The following SLX4IP variants were observed in gnomAD, a reference collection of about 807,000 sequenced individuals.
The protein encoded by SLX4IP is protein SLX4IP.
A neutral mutation model predicts 32.9 loss-of-function variants in SLX4IP; 34 were observed. That is an observed-to-expected ratio of 1.03 (90% CI 0.79 to 1.38). SLX4IP has a LOEUF of 1.38. SLX4IP is among the 40% of genes most tolerant of loss of function. SLX4IP has a pLI of 0.00. For synonymous variants in SLX4IP, 172 were observed against 171.7 expected, an observed-to-expected ratio of 1.00 and a Z score of -0.01; for missense variants, 444 against 479.0, an observed-to-expected ratio of 0.93 and a Z score of 0.68.
intron 2 of SLX4IP, among the ~76,000 whole-genome samples, chr20:10,514,699 A>G (rs919390529): frequency 4.6e-5 from 7 of 152,234 alleles, no homozygotes; most frequent in Non-Finnish European, 8.8e-5. Flanking sequence ...GCAGCTTTGA[A>G]AGGTTTGAGC....
At chr20:10,484,461 A>G (rs768980013) in intron 2 of SLX4IP, among the ~76,000 whole-genome samples, 7 of 152,156 alleles carry the variant, frequency 4.6e-5, no homozygotes, top group Admixed American at 1.3e-4. Context: ...TAGTATGCCA[A>G]AAAGAAATAT....
At position 10,560,780 on chromosome 20, in the gene SLX4IP, A is replaced by G; in HGVS notation, c.198A>G (p.Ser66=). The change falls in exon 4 of 8, where the codon TCA becomes TCG. Residue 66 remains serine (S), a synonymous_variant. Coordinates refer to ENST00000334534, the MANE Select transcript of SLX4IP (RefSeq NM_001009608.3). ...YLEVRKQHRP[S]NAEFTRSNPL... is the part of the protein sequence containing the mutation. ...AAGTTCGCAAACAGCACAGGCCATCAAATGCAGAATTCACAAGATCCAATC... is the reference window on the plus strand; with the variant it reads ...AAGTTCGCAAACAGCACAGGCCATCGAATGCAGAATTCACAAGATCCAATC... The G allele has an allele frequency of 1.2e-6, 2 of 1,608,234 alleles. No individual in the cohort carries two copies. The highest frequency in any genetic ancestry group is 1.7e-6 in the Non-Finnish European group (2 of 1,177,370).
At position 10,623,257 on chromosome 20, in the gene SLX4IP, CA is replaced by C. The variant is rs778316048; in HGVS notation, c.1106del (p.His369LeufsTer3). 2.6e-5 allele frequency: 42 copies of C among 1,614,108 alleles called. No homozygotes were observed. The African/African-American group carries it at 4.9e-4, about 19-fold the overall frequency. Reference sequence around the variant, plus strand: ...TGTTTTGGAAAGTCTCTCCTCCAGACATCTTATGAAAAATAACCCAGGGCAG... The same window carrying C: ...TGTTTTGGAAAGTCTCTCCTCCAGACTCTTATGAAAAATAACCCAGGGCAG... The part of the protein sequence containing the change: ...LHVLESLSSR[H>X]LMKNNPGQAQ... On this transcript the variant is annotated frameshift_variant, in exon 8 of 8. Transcript: ENST00000334534. LOFTEE classifies it high-confidence loss of function.
At chr20:10,438,472 GTTTTTTTTTTTTTT>G (rs35297842) in intron 1 of SLX4IP, among the ~76,000 whole-genome samples, 1 of 98,854 alleles carries the variant, frequency 1.0e-5, no homozygotes, top group South Asian at 3.6e-4. Context: ...AGGTGTGTGT[GTTTTTTTTTTTTTT>G]TTTTTTTTTG....
chr20:10,436,446 C>G (rs945852272), intron 1 of SLX4IP, among the ~76,000 whole-genome samples: 10 of 152,080 alleles, frequency 6.6e-5, no homozygotes, highest in African/African-American at 2.2e-4. Flanking sequence ...CATCTCCGCC[C>G]CCCGGGTTCA....
intron 1 of SLX4IP, among the ~76,000 whole-genome samples, chr20:10,448,169 T>G (rs1161742736): frequency 6.6e-6 from 1 of 152,192 alleles, no homozygotes; most frequent in Non-Finnish European, 1.5e-5. Flanking sequence ...ATTGACTGAT[T>G]TTTCATTCTT....
chr20:10,502,272 G>A (rs1057136111), intron 2 of SLX4IP, among the ~76,000 whole-genome samples: 3 of 152,166 alleles, frequency 2.0e-5, no homozygotes, highest in Non-Finnish European at 4.4e-5. Flanking sequence ...AGGCCCATGT[G>A]TTTCTGCACT....
At chr20:10,587,390 A>C (rs2122533007) in intron 4 of SLX4IP, among the ~76,000 whole-genome samples, 1 of 152,316 alleles carries the variant, frequency 6.6e-6, no homozygotes, top group East Asian at 1.9e-4. Context: ...AAACATTAAC[A>C]GTGTTAGCTT....
intron 1 of SLX4IP, among the ~76,000 whole-genome samples, chr20:10,445,807 G>A (rs1253055263): frequency 6.6e-6 from 1 of 151,516 alleles, no homozygotes; most frequent in Non-Finnish European, 1.5e-5. Flanking sequence ...TGTATTTTTA[G>A]TAGAAACAGG....
chr20:10,507,776 C>T (rs192450002), intron 2 of SLX4IP, among the ~76,000 whole-genome samples: 10 of 151,930 alleles, frequency 6.6e-5, no homozygotes, highest in Admixed American at 2.6e-4. Flanking sequence ...AATAATATAA[C>T]AGCACTTTAT....
At chr20:10,452,905 TG>T (rs2065255225) in intron 1 of SLX4IP, among the ~76,000 whole-genome samples, 1 of 151,820 alleles carries the variant, frequency 6.6e-6, no homozygotes, top group Non-Finnish European at 1.5e-5. Flanking sequence ...AAAAAAGAAT[TG>T]GATCCCGATC....
intron 4 of SLX4IP, among the ~76,000 whole-genome samples, chr20:10,562,156 TACTC>T (rs2066339592): frequency 1.3e-5 from 2 of 151,682 alleles, no homozygotes; most frequent in Non-Finnish European, 3.0e-5. Flanking sequence ...TGCGTTAATC[TACTC>T]GATTAGGCCC....
Position 10,511,980 on chromosome 20 carries a change from C to A in SLX4IP, c.28-44251C>A, listed in dbSNP as rs545653956. 2.0e-5 allele frequency among the ~76,000 whole-genome samples: 3 copies of A among 152,220 alleles called. No individual in the cohort carries two copies. In the South Asian group the frequency reaches 6.2e-4, roughly 32 times the overall value. ...TTTTTTCTTGTCAGATAATAGCATACAAATGTGAGATTATGGGATTGGAAA... is the reference window on the plus strand; with the variant it reads ...TTTTTTCTTGTCAGATAATAGCATAAAAATGTGAGATTATGGGATTGGAAA... On this transcript the variant is annotated intron_variant, in intron 2 of 7. Coordinates refer to ENST00000334534, the MANE Select transcript of SLX4IP (RefSeq NM_001009608.3).
intron 2 of SLX4IP, 141 bp downstream of exon 2, chr20:10,458,372 C>T: frequency 1.6e-6 from 1 of 627,672 alleles, no homozygotes; most frequent in Non-Finnish European, 2.6e-6. Flanking sequence ...TTTCCTTCAA[C>T]TTTTAAGTTC....
At chr20:10,580,199 T>C (rs2066568151) in intron 4 of SLX4IP, among the ~76,000 whole-genome samples, 1 of 152,208 alleles carries the variant, frequency 6.6e-6, no homozygotes, top group African/African-American at 2.4e-5. Context: ...CCTCAGGTTC[T>C]AAAGTTGAGG....
chr20:10,455,507 T>C (rs2065277355), intron 1 of SLX4IP, among the ~76,000 whole-genome samples: 1 of 152,130 alleles, frequency 6.6e-6, no homozygotes, highest in African/African-American at 2.4e-5. Context: ...CTTAGTACCC[T>C]TGTTGAAAAT....
At chr20:10,586,677 TG>T (rs1254514616) in intron 4 of SLX4IP, among the ~76,000 whole-genome samples, 1 of 151,328 alleles carries the variant, frequency 6.6e-6, no homozygotes, top group Admixed American at 6.6e-5. Flanking sequence ...GTATTAGTAA[TG>T]AAAAAAAGAC....
Position 10,520,657 on chromosome 20 carries a change from G to T in SLX4IP, c.28-35574G>T, listed in dbSNP as rs6108618. On this transcript the variant is annotated intron_variant, in intron 2 of 7. Coordinates refer to ENST00000334534, the MANE Select transcript of SLX4IP (RefSeq NM_001009608.3). ...TTTAGAGTTTTCATTCTTAAATTTA[G>T]GTCTGTGATTCATTTTGAGTTAATT... Among the ~76,000 whole-genome samples, 4 of 152,058 alleles carry T rather than the reference G, an allele frequency of 2.6e-5. No homozygotes were observed. The South Asian group carries it at 6.2e-4, about 24-fold the overall frequency.
intron 1 of SLX4IP, among the ~76,000 whole-genome samples, chr20:10,444,741 G>A (rs988949921): frequency 1.3e-5 from 2 of 152,096 alleles, no homozygotes; most frequent in African/African-American, 2.4e-5. Context: ...TAGAGAGGCT[G>A]GGGAGCTTGT....
Sources: allele counts gnomAD v4.1 joint callset (sites outside exome capture counted in the v4.1 genomes callset), GRCh38; gene constraint gnomAD v4.1.1; transcripts MANE v1.5; gene names NCBI Gene and HGNC (gene_info 2026-07-23, HGNC 2026-07-21).